PCLO: variants seen among roughly 807,000 people sequenced by gnomAD.
PCLO encodes the protein piccolo presynaptic cytomatrix protein.
PCLO carries 82 observed loss-of-function variants against 427.5 expected under a neutral mutation model. The observed-to-expected ratio is 0.19, with a 90% CI of 0.16 to 0.23. The LOEUF (loss-of-function observed/expected upper bound fraction) is 0.23. PCLO is among the 10% of genes least tolerant of loss of function. The pLI, the probability that PCLO is intolerant of heterozygous loss-of-function variation, is 1.00. For synonymous variants in PCLO, 2,357 were observed against 2,155.4 expected (o/e 1.09, Z -2.59); for missense variants, 6,239 against 6,115.9 (o/e 1.02, Z -0.67).
chr7:83,006,505 C>G (rs1055791936), intron 3 of PCLO, among the ~76,000 whole-genome samples: 5 of 151,484 alleles, frequency 3.3e-5, no homozygotes, highest in African/African-American at 1.2e-4. Flanking sequence ...CTTTCTCATA[C>G]TGCTGTTTCA....
chr7:82,967,982 A>C (rs1795817393), intron 3 of PCLO, among the ~76,000 whole-genome samples: 1 of 152,210 alleles, frequency 6.6e-6, no homozygotes. Flanking sequence ...TGCTTATCTT[A>C]AAGTATTTAG....
intron 3 of PCLO, among the ~76,000 whole-genome samples, chr7:83,038,023 A>ATATATATATATT (rs1562932918): frequency 5.7e-5 from 3 of 52,808 alleles, no homozygotes; most frequent in South Asian, 4.6e-4. Flanking sequence ...ATATATATAT[A>ATATATATATATT]TATATATTTA....
rs1435707638 is a variant in PCLO at position 83,027,609 on chromosome 7, G to A, written c.3301-61122C>T. ...GAATCCTCCCTAACTCATTTTATGA[G>A]GCCAGCATCATCCTGATACCAAAGC... On this transcript the variant is annotated intron_variant, in intron 3 of 24. Transcript: ENST00000333891. Among the ~76,000 whole-genome samples the A allele has an allele frequency of 1.8e-4, 27 of 148,972 alleles. No homozygotes were observed. In the East Asian group the frequency reaches 4.9e-3, roughly 27 times the overall value.
In PCLO at chr7:82,952,391, G is replaced by A. The variant is rs1301272721; in HGVS notation, c.8562C>T (p.Asn2854=). The A allele has an allele frequency of 6.2e-7, 1 of 1,613,900 alleles. No homozygotes were observed. Among genetic ancestry groups the A allele is most frequent in the East Asian group, 2.2e-5 (1 of 44,850 alleles). The change falls in exon 5 of 25, where the codon AAC becomes AAT. Residue 2854 remains asparagine, a synonymous_variant. Coordinates refer to ENST00000333891, the MANE Select transcript of PCLO (RefSeq NM_033026.6). ...CATGTGCTGGAGTACCTAGAGATAA[G>A]TTTATTGGTGCTTCTTCCCTAGCTA... ...FPIAREEAPI[N]LSLGTPAHAV...
intron 6 of PCLO, among the ~76,000 whole-genome samples, chr7:82,937,339 T>A (rs1233917885): frequency 6.6e-6 from 1 of 151,390 alleles, no homozygotes; most frequent in Non-Finnish European, 1.5e-5. Flanking sequence ...CACTACAGTT[T>A]TTTTTTTTTT....
At chr7:83,026,144 A>G (rs931220978) in intron 3 of PCLO, among the ~76,000 whole-genome samples, 14 of 152,190 alleles carry the variant, frequency 9.2e-5, no homozygotes, top group African/African-American at 3.4e-4. Flanking sequence ...GCTCCAATTA[A>G]AAGACACAGA....
At position 82,952,663 on chromosome 7, in the gene PCLO, A is replaced by G; in HGVS notation, c.8290T>C (p.Tyr2764His). 6.2e-7 allele frequency: 1 copy of G among 1,613,938 alleles called. No individual in the cohort carries two copies. Residue 2764 changes from tyrosine to histidine, a missense_variant, in exon 5 of 25, where the codon TAT becomes CAT. Physicochemically the swap from Tyr to His is moderately conservative, Grantham distance 83. Transcript: ENST00000333891. ...TGGACAGCACTAATTTGTTTCCCAT[A>G]AACTTCATTTGCTGTGATCTGCCTT... ...VKRQITANEVYGKQISAVQPS... is the reference protein window; with the variant it reads ...VKRQITANEVHGKQISAVQPS...
intron 16 of PCLO, among the ~76,000 whole-genome samples, chr7:82,833,407 T>A (rs181498714): frequency 6.2e-4 from 94 of 152,296 alleles, no homozygotes; most frequent in African/African-American, 2.2e-3. Flanking sequence ...ACAGGAAGTA[T>A]TGAGTTCACG....
chr7:82,867,675 C>T (rs1793130150), intron 10 of PCLO, among the ~76,000 whole-genome samples: 1 of 152,158 alleles, frequency 6.6e-6, no homozygotes, highest in Non-Finnish European at 1.5e-5. Flanking sequence ...TCACTGAACA[C>T]AGAAATACCT....
intron 20 of PCLO, 113 bp downstream of exon 20, chr7:82,822,382 A>C: frequency 6.3e-7 from 1 of 1,592,836 alleles, no homozygotes; most frequent in Non-Finnish European, 8.6e-7. Flanking sequence ...GACAGAGAAC[A>C]GGGTGAGCAG....
chr7:82,841,722 G>T (rs1792371959), intron 13 of PCLO, among the ~76,000 whole-genome samples: 1 of 151,786 alleles, frequency 6.6e-6, no homozygotes, highest in South Asian at 2.1e-4. Flanking sequence ...TTTCATTTTG[G>T]TAAGCCGGCT....
chr7:83,086,136 G>T (rs562615666), intron 3 of PCLO, among the ~76,000 whole-genome samples: 26 of 147,388 alleles, frequency 1.8e-4, no homozygotes, highest in African/African-American at 4.5e-4. Flanking sequence ...TTGAGACGGA[G>T]TCTTGCGCTG....
chr7:82,979,719 GTTGT>G (rs1029188246), intron 3 of PCLO, among the ~76,000 whole-genome samples: 2 of 152,078 alleles, frequency 1.3e-5, no homozygotes, highest in African/African-American at 4.8e-5. Context: ...TTTCACATGT[GTTGT>G]TTGTCTCCAG....
Position 83,154,993 on chromosome 7 carries a change from A to T in PCLO, c.1648T>A (p.Ser550Thr). The T allele has an allele frequency of 6.2e-7, 1 of 1,613,730 alleles. No individual in the cohort carries two copies. The highest frequency in any genetic ancestry group is 8.5e-7 in the Non-Finnish European group (1 of 1,179,854). Reference sequence around the variant, plus strand: ...ACTGGTTTTGTAGATTGCTGAGCCGAGGGCTTTGCTGGGCTAGGCTGTTGA... The same window carrying T: ...ACTGGTTTTGTAGATTGCTGAGCCGTGGGCTTTGCTGGGCTAGGCTGTTGA... ...SAQQPSPAKP[S>T]AQQSTKPVSQ... The change falls in exon 2 of 25, where the codon TCG becomes ACG. Residue 550 changes from serine to threonine, a missense_variant. Coordinates refer to ENST00000333891, the MANE Select transcript of PCLO (RefSeq NM_033026.6).
At chr7:82,911,186 T>C (rs1794311824) in intron 7 of PCLO, among the ~76,000 whole-genome samples, 2 of 152,128 alleles carry the variant, frequency 1.3e-5, no homozygotes, top group Admixed American at 6.5e-5. Flanking sequence ...TTATTTTTTA[T>C]AATAACCCTA....
chr7:82,879,870 C>G (rs1235155791), intron 9 of PCLO: 1 of 448,746 alleles, frequency 2.2e-6, no homozygotes, highest in Non-Finnish European at 4.5e-6. Context: ...AGACACAATC[C>G]AATCATACAT....
intron 3 of PCLO, among the ~76,000 whole-genome samples, chr7:82,979,171 C>G (rs540301063): frequency 6.6e-6 from 1 of 152,144 alleles, no homozygotes; most frequent in African/African-American, 2.4e-5. Context: ...CTTCAGAATC[C>G]TAAGTCTCAT....
intron 3 of PCLO, among the ~76,000 whole-genome samples, chr7:83,112,463 T>G (rs1364302239): frequency 6.6e-6 from 1 of 152,138 alleles, no homozygotes; most frequent in African/African-American, 2.4e-5. Flanking sequence ...TTAATCCAAT[T>G]TTTTTAGATA....
intron 9 of PCLO, among the ~76,000 whole-genome samples, chr7:82,892,820 A>C (rs1793803614): frequency 6.6e-6 from 1 of 152,162 alleles, no homozygotes; most frequent in Non-Finnish European, 1.5e-5. Context: ...GACACATGAA[A>C]AAATGCTCAT....
Sources: gnomAD v4.1 joint callset for allele counts (sites outside exome capture counted in the v4.1 genomes callset) on GRCh38, gnomAD v4.1.1 for gene constraint, MANE v1.5 for transcripts, NCBI Gene and HGNC (gene_info 2026-07-23, HGNC 2026-07-21) for gene names.